Variants in TBC1D1 observed in about 807,000 individuals in gnomAD.
TBC1D1 encodes TBC1 (tre-2/USP6, BUB2, cdc16) domain family, member 1.
TBC1D1 carries 89 observed loss-of-function variants against 125.6 expected under a neutral mutation model. The ratio of observed to expected loss-of-function variants is 0.71; its 90% CI spans 0.60 to 0.85. The LOEUF (loss-of-function observed/expected upper bound fraction) is 0.85. Among genes scored for constraint, TBC1D1 ranks in the 40% least tolerant of loss-of-function variants. The pLI is 0.00. For synonymous variants in TBC1D1, 565 were observed against 564.1 expected (o/e 1.00, Z -0.02); for missense variants, 1,377 against 1,469.2 (o/e 0.94, Z 1.03).
chr4:38,032,996 G>A (rs901369777), intron 7 of TBC1D1, among the ~76,000 whole-genome samples: 1 of 152,052 alleles, frequency 6.6e-6, no homozygotes, highest in Admixed American at 6.6e-5. Context: ...TAACACCATC[G>A]ACGTTTATTT....
intron 6 of TBC1D1, 136 bp from the exon 7 acceptor site, chr4:38,027,651 AT>A (rs1472463031): frequency 1.4e-5 from 7 of 509,740 alleles, no homozygotes; most frequent in Non-Finnish European, 2.1e-5. Context: ...AAAAAATAAA[AT>A]ATTTTTTTAT....
At chr4:38,003,649 C>T (rs1257145139) in intron 2 of TBC1D1, among the ~76,000 whole-genome samples, 4 of 152,054 alleles carry the variant, frequency 2.6e-5, no homozygotes, top group Admixed American at 6.6e-5. Context: ...GGGAAGATCC[C>T]TTGAGCCCAG....
In TBC1D1 at chr4:37,902,416, C is replaced by T. The variant is rs1716275683; in HGVS notation, c.321C>T (p.Asn107=). 6.2e-7 allele frequency: 1 copy of T among 1,614,090 alleles called. No homozygotes were observed. Among genetic ancestry groups the T allele is most frequent in the Admixed American group, 1.7e-5 (1 of 60,012 alleles). The change falls in exon 2 of 20, where the codon AAC becomes AAT. Residue 107 remains asparagine, a synonymous_variant. Transcript: ENST00000261439. ...AGCGTGTTCACAAACTGATTCACAA[C>T]AGTCATGACCCAAGTTACTTTGCTT...
chr4:37,902,428 A>T lies in TBC1D1; in HGVS notation c.333A>T (p.Pro111=), dbSNP rs767927414. The change falls in exon 2 of 20, where the codon CCA becomes CCT. Residue 111 remains proline (P), a synonymous_variant. Transcript: ENST00000261439. Reference sequence around the variant, plus strand: ...AACTGATTCACAACAGTCATGACCCAAGTTACTTTGCTTGTCTGATTAAGG... The same window carrying T: ...AACTGATTCACAACAGTCATGACCCTAGTTACTTTGCTTGTCTGATTAAGG... The T allele has an allele frequency of 9.3e-6, 15 of 1,614,146 alleles. No individual in the cohort carries two copies. The highest frequency in any genetic ancestry group is 1.3e-5 in the Non-Finnish European group (15 of 1,180,012).
intron 2 of TBC1D1, among the ~76,000 whole-genome samples, chr4:37,940,081 G>A (rs1331758700): frequency 2.0e-5 from 3 of 152,144 alleles, no homozygotes; most frequent in Non-Finnish European, 4.4e-5. Flanking sequence ...TAGCTTAATG[G>A]GGATGGCATT....
At chr4:38,019,483 T>G (rs1213971114) in intron 4 of TBC1D1, among the ~76,000 whole-genome samples, 1 of 152,038 alleles carries the variant, frequency 6.6e-6, no homozygotes. Flanking sequence ...ACCCATAGAG[T>G]TTTTAATCCT....
chr4:37,939,342 T>A (rs1725050669), intron 2 of TBC1D1, among the ~76,000 whole-genome samples: 1 of 152,250 alleles, frequency 6.6e-6, no homozygotes, highest in Non-Finnish European at 1.5e-5. Context: ...AAGTGTCTGT[T>A]CCTATCCTTT....
At chr4:38,078,110 A>G (rs1204382085) in intron 12 of TBC1D1, among the ~76,000 whole-genome samples, 1 of 152,178 alleles carries the variant, frequency 6.6e-6, no homozygotes, top group East Asian at 1.9e-4. Context: ...ATAGAAAGCA[A>G]GTGCTGTGAA....
intron 12 of TBC1D1, among the ~76,000 whole-genome samples, chr4:38,056,977 T>C: frequency 6.6e-6 from 1 of 152,210 alleles, no homozygotes; most frequent in South Asian, 2.1e-4. Context: ...AACATGGCCT[T>C]TGTGCCTTTA....
intron 15 of TBC1D1, among the ~76,000 whole-genome samples, chr4:38,111,637 G>A (rs1296351879): frequency 6.6e-6 from 1 of 152,086 alleles, no homozygotes; most frequent in Admixed American, 6.6e-5. Flanking sequence ...GTTATTTGAA[G>A]CATATAAAGC....
intron 2 of TBC1D1, among the ~76,000 whole-genome samples, chr4:37,993,066 A>G (rs1391354472): frequency 1.3e-5 from 2 of 151,930 alleles, no homozygotes; most frequent in Non-Finnish European, 2.9e-5. Flanking sequence ...AGCCTCCCAA[A>G]ATGTTGGGAT....
At chr4:37,933,983 CA>C (rs1168456208) in intron 2 of TBC1D1, among the ~76,000 whole-genome samples, 7 of 152,152 alleles carry the variant, frequency 4.6e-5, no homozygotes, top group Admixed American at 4.6e-4. Flanking sequence ...CCTGTTGTTG[CA>C]GGTTGAAAGT....
rs1749005097 is a variant in TBC1D1 at position 38,044,370 on chromosome 4, G to C, written c.1422G>C (p.Gln474His). Residue 474 changes from glutamine to histidine, a missense_variant, in exon 9 of 20, where the codon CAG becomes CAC. Physicochemically the swap from Gln to His is conservative, Grantham distance 24. Around this residue, in one of 3 missense-constraint regions of TBC1D1, gnomAD observed 822 missense variants for 824.6 expected, o/e 1.00. Transcript: ENST00000261439. ...GTTTTTCACTTTTTTAGACATCGCA[G>C]ATGGCAGCAGAGAATATTGGAAGTG... The C allele has an allele frequency of 6.2e-7, 1 of 1,600,198 alleles. No individual in the cohort carries two copies. The highest frequency in any genetic ancestry group is 1.3e-5 in the African/African-American group (1 of 74,162).
At chr4:38,064,785 G>A (rs1262187200) in intron 12 of TBC1D1, among the ~76,000 whole-genome samples, 1 of 151,766 alleles carries the variant, frequency 6.6e-6, no homozygotes, top group African/African-American at 2.4e-5. Context: ...TGCCATGCCC[G>A]GCTAATTTTT....
chr4:37,912,444 G>T (rs1417021481), intron 2 of TBC1D1, among the ~76,000 whole-genome samples: 1 of 152,176 alleles, frequency 6.6e-6, no homozygotes, highest in African/African-American at 2.4e-5. Flanking sequence ...CAACTTGCAT[G>T]GTCAGAGATG....
At chr4:38,104,473 T>C (rs1486578591) in intron 15 of TBC1D1, among the ~76,000 whole-genome samples, 1 of 152,216 alleles carries the variant, frequency 6.6e-6, no homozygotes, top group African/African-American at 2.4e-5. Context: ...CTGCTGTCTC[T>C]ACTGGTGGTG....
intron 11 of TBC1D1, 91 bp from the exon 13 acceptor site, chr4:38,053,015 A>T: frequency 1.0e-6 from 1 of 1,002,172 alleles, no homozygotes; most frequent in South Asian, 4.9e-5. Flanking sequence ...GCATTAGAAC[A>T]AAAATGTTTC....
At chr4:37,933,432 TTACA>T (rs527356489) in intron 2 of TBC1D1, among the ~76,000 whole-genome samples, 1,099 of 87,778 alleles carry the variant, frequency 0.013, 13 homozygotes, top group African/African-American at 0.049. Flanking sequence ...CACATATGTT[TTACA>T]CACACACACA....
chr4:37,964,466 G>C (rs1018664125), intron 2 of TBC1D1, among the ~76,000 whole-genome samples: 1 of 152,198 alleles, frequency 6.6e-6, no homozygotes, highest in Non-Finnish European at 1.5e-5. Flanking sequence ...GACCAAGCCC[G>C]CTGCCACTGA....
Sources: gnomAD v4.1 joint callset for allele counts (sites outside exome capture counted in the v4.1 genomes callset) on GRCh38, gnomAD v4.1.1 for gene constraint, gnomAD v4.1.1 regional missense constraint, MANE v1.5 for transcripts, NCBI Gene and HGNC (gene_info 2026-07-23, HGNC 2026-07-21) for gene names.